Variants in SAMD12 observed in about 807,000 individuals in gnomAD.
SAMD12 encodes the protein sterile alpha motif domain-containing protein 12.
In SAMD12, 9 loss-of-function variants were observed where a neutral mutation model predicts 15.0. The observed-to-expected ratio is 0.60, with a 90% CI of 0.36 to 1.05. SAMD12 has a LOEUF of 1.05. SAMD12 is among the 50% of genes least tolerant of loss of function. The probability of loss-of-function intolerance (pLI) is 0.01; values close to 1 mark genes in which losing one functional copy is unlikely to be tolerated. For synonymous variants in SAMD12, 86 were observed against 90.1 expected (o/e 0.96, Z 0.25); for missense variants, 230 against 234.2 (o/e 0.98, Z 0.12).
intron 2 of SAMD12, among the ~76,000 whole-genome samples, chr8:118,477,542 T>G (rs1823994089): frequency 6.6e-6 from 1 of 152,216 alleles, no homozygotes; most frequent in Admixed American, 6.5e-5. Context: ...TTTCCTATTT[T>G]GAGCTGGTGG....
At position 118,216,740 on chromosome 8, in the gene SAMD12, T is replaced by C. The variant is rs568518168; in HGVS notation, c.434-19008A>G. Among the ~76,000 whole-genome samples, 5 of 152,326 alleles carry C rather than the reference T, an allele frequency of 3.3e-5. No individual in the cohort carries two copies. The East Asian group carries it at 9.6e-4, about 29-fold the overall frequency. ...TAGCATAATAAATAACTGATGTGCA[T>C]AATGATAGATTTTGGAAATCTAGGT... On this transcript the variant is annotated intron_variant, in intron 4 of 4. Transcript: ENST00000409003.
chr8:118,315,024 T>C (rs1815820610), intron 4 of SAMD12, among the ~76,000 whole-genome samples: 1 of 152,218 alleles, frequency 6.6e-6, no homozygotes, highest in South Asian at 2.1e-4. Flanking sequence ...TTCACGTACA[T>C]ATTTACCTAG....
intron 3 of SAMD12, among the ~76,000 whole-genome samples, chr8:118,423,435 T>C (rs894494608): frequency 6.6e-6 from 1 of 152,122 alleles, no homozygotes; most frequent in Non-Finnish European, 1.5e-5. Flanking sequence ...AAACAACATA[T>C]ATACACACAG....
At chr8:118,223,516 A>T (rs985809436) in intron 4 of SAMD12, among the ~76,000 whole-genome samples, 2 of 152,222 alleles carry the variant, frequency 1.3e-5, no homozygotes, top group African/African-American at 4.8e-5. Flanking sequence ...TGATTTCAAG[A>T]TTTCTAAAAC....
intron 4 of SAMD12, among the ~76,000 whole-genome samples, chr8:118,300,472 C>A (rs955678774): frequency 1.3e-5 from 2 of 152,158 alleles, no homozygotes; most frequent in Non-Finnish European, 2.9e-5. Flanking sequence ...GAGTGAAGGA[C>A]CATGCAGGGA....
intron 4 of SAMD12, among the ~76,000 whole-genome samples, chr8:118,311,419 C>G (rs991590990): frequency 3.3e-5 from 5 of 152,184 alleles, no homozygotes; most frequent in African/African-American, 9.7e-5. Context: ...GCTACCACAG[C>G]AGAGTTGAGT....
intron 4 of SAMD12, among the ~76,000 whole-genome samples, chr8:118,324,987 G>A (rs1816498067): frequency 1.3e-5 from 2 of 152,138 alleles, no homozygotes; most frequent in Non-Finnish European, 2.9e-5. Flanking sequence ...CTCACAACTG[G>A]TCATAGGGAT....
At chr8:118,173,344 G>T in the SAMD12 span, among the ~76,000 whole-genome samples, 11 of 152,196 alleles carry the variant, frequency 7.2e-5, no homozygotes, top group East Asian at 2.1e-3. Context: ...GAGCAGAAGG[G>T]CAAGCTGGTG....
At chr8:118,390,445 C>G (rs979642267) in intron 3 of SAMD12, among the ~76,000 whole-genome samples, 1 of 152,144 alleles carries the variant, frequency 6.6e-6, no homozygotes, top group African/African-American at 2.4e-5. Flanking sequence ...TTCTGTGTAG[C>G]CTATTCTAAA....
intron 3 of SAMD12, among the ~76,000 whole-genome samples, chr8:118,402,516 G>T (rs1024214501): frequency 1.3e-5 from 2 of 152,340 alleles, no homozygotes; most frequent in Middle Eastern, 3.4e-3. Flanking sequence ...TAAGGGGACT[G>T]CTCTAGCCAG....
intron 3 of SAMD12, among the ~76,000 whole-genome samples, chr8:118,438,158 A>G (rs1470746456): frequency 6.6e-6 from 1 of 152,208 alleles, no homozygotes; most frequent in Non-Finnish European, 1.5e-5. Flanking sequence ...GAAGCTAAGT[A>G]CCCACACTGC....
intron 1 of SAMD12, among the ~76,000 whole-genome samples, chr8:118,588,563 T>A (rs1431078789): frequency 6.6e-6 from 1 of 152,242 alleles, no homozygotes; most frequent in African/African-American, 2.4e-5. Context: ...CATTTATCTA[T>A]ATAGTGTTCA....
chr8:118,367,958 T>C (rs1818881497), intron 4 of SAMD12, among the ~76,000 whole-genome samples: 1 of 152,114 alleles, frequency 6.6e-6, no homozygotes. Context: ...ATTCCCAGAA[T>C]AAAAACGAAA....
intron 4 of SAMD12, among the ~76,000 whole-genome samples, chr8:118,265,319 T>C (rs1239118514): frequency 6.6e-6 from 1 of 152,142 alleles, no homozygotes; most frequent in African/African-American, 2.4e-5. Context: ...GTAGAACAAA[T>C]GAGGCATAAT....
chr8:118,407,991 G>T (rs1821216326), intron 3 of SAMD12, among the ~76,000 whole-genome samples: 1 of 152,080 alleles, frequency 6.6e-6, no homozygotes, highest in Non-Finnish European at 1.5e-5. Flanking sequence ...AGCTCTTAAA[G>T]TTGAAACTTT....
intron 2 of SAMD12, among the ~76,000 whole-genome samples, chr8:118,482,859 C>T (rs1824167047): frequency 6.6e-6 from 1 of 152,008 alleles, no homozygotes; most frequent in South Asian, 2.1e-4. Context: ...GAGAAAAGGC[C>T]CAGAAAGGAC....
intron 2 of SAMD12, among the ~76,000 whole-genome samples, chr8:118,495,303 G>C (rs889234629): frequency 6.6e-6 from 1 of 152,142 alleles, no homozygotes; most frequent in Non-Finnish European, 1.5e-5. Context: ...ATGAGTCTCA[G>C]AAGCCCAAAT....
At chr8:118,256,108 A>G (rs1054686865) in intron 4 of SAMD12, among the ~76,000 whole-genome samples, 2 of 152,256 alleles carry the variant, frequency 1.3e-5, no homozygotes, top group African/African-American at 4.8e-5. Flanking sequence ...ATGGCCAGTG[A>G]TGGTGAGCAT....
intron 4 of SAMD12, among the ~76,000 whole-genome samples, chr8:118,266,840 G>C (rs568219681): frequency 4.6e-5 from 7 of 152,230 alleles, no homozygotes; most frequent in African/African-American, 1.7e-4. Context: ...CTAGGGGGTG[G>C]AGGGGTTGAG....
Sources: allele counts gnomAD v4.1 joint callset (sites outside exome capture counted in the v4.1 genomes callset), GRCh38; gene constraint gnomAD v4.1.1; transcripts MANE v1.5; gene names NCBI Gene and HGNC (gene_info 2026-07-23, HGNC 2026-07-21).